Variants in KCNT2 observed in about 807,000 individuals in gnomAD.
KCNT2 encodes potassium sodium-activated channel subfamily T member 2, also known as potassium channel subfamily T member 2.
A neutral mutation model predicts 153.8 loss-of-function variants in KCNT2; 67 were observed. That is an observed-to-expected ratio of 0.44 (90% CI 0.36 to 0.53). The LOEUF is 0.53. KCNT2 is among the 20% of genes least tolerant of loss of function. The probability of loss-of-function intolerance (pLI) is 0.00; values close to 1 mark genes in which losing one functional copy is unlikely to be tolerated. For missense variants in KCNT2, 975 were observed against 1,354.8 expected (o/e 0.72, Z 4.40); for synonymous variants, 500 against 458.8 (o/e 1.09, Z -1.15).
intron 1 of KCNT2, among the ~76,000 whole-genome samples, chr1:196,578,693 C>G (rs1661664085): frequency 6.6e-6 from 1 of 151,926 alleles, no homozygotes; most frequent in African/African-American, 2.4e-5. Flanking sequence ...AGGGACTGAC[C>G]AAAGAGACTA....
chr1:196,598,494 CCAA>C lies in KCNT2; in HGVS notation c.95+9718_95+9720del, dbSNP rs142340712. 4.3e-4 allele frequency among the ~76,000 whole-genome samples: 66 copies of C among 152,274 alleles called. No homozygotes were observed. In the East Asian group the frequency reaches 0.011, roughly 26 times the overall value. The stretch of plus-strand genomic sequence containing the variant: ...GAGGTTTTTCTTTCAGAAAGTATGA[CCAA>C]CTTCAAAAATTCCTTAACACTTATT... On this transcript the variant is annotated intron_variant, in intron 1 of 27. Coordinates refer to ENST00000294725, the MANE Select transcript of KCNT2 (RefSeq NM_198503.5).
chr1:196,507,814 T>C (rs968261423), intron 1 of KCNT2, among the ~76,000 whole-genome samples: 3 of 152,100 alleles, frequency 2.0e-5, no homozygotes, highest in Non-Finnish European at 4.4e-5. Flanking sequence ...AAAACAAATG[T>C]TATTTATAAT....
intron 13 of KCNT2, among the ~76,000 whole-genome samples, chr1:196,381,904 T>C (rs1367785934): frequency 6.6e-6 from 1 of 152,142 alleles, no homozygotes; most frequent in African/African-American, 2.4e-5. Context: ...CTAAAATAAT[T>C]TGAATGACTG....
chr1:196,511,391 G>T (rs1161619258), intron 1 of KCNT2, among the ~76,000 whole-genome samples: 1 of 152,042 alleles, frequency 6.6e-6, no homozygotes, highest in Non-Finnish European at 1.5e-5. Context: ...ACAAAAACCA[G>T]GGTCCCTAAA....
chr1:196,394,660 A>C (rs1670769087), intron 13 of KCNT2, among the ~76,000 whole-genome samples: 1 of 151,570 alleles, frequency 6.6e-6, no homozygotes, highest in African/African-American at 2.4e-5. Context: ...AAATTATATA[A>C]ATAGATGAGA....
chr1:196,340,110 G>A lies in KCNT2; in HGVS notation c.1783+231C>T, dbSNP rs192040654. Among the ~76,000 whole-genome samples, 592 of 152,008 alleles carry A rather than the reference G, an allele frequency of 3.9e-3. 3 individuals are homozygous for A. Among genetic ancestry groups the A allele is most frequent in the South Asian group, 0.028 (136 of 4,820 alleles). On this transcript the variant is annotated intron_variant, in intron 16 of 27. Transcript: ENST00000294725. ...AGCAATTCTTCCACCTCAGCCTCTG[G>A]AATAGGTAGTATTATAGACATATGC...
rs925048498 is a variant in KCNT2, at chr1:196,226,437, T to C, written c.*1787A>G. ...TTCACGTTTATAACATATACACATA[T>C]ATGCATACAATCTTTAAGTTTTAAG... On this transcript the variant is annotated 3_prime_UTR_variant, in exon 28 of 28. Transcript: ENST00000294725. 6.6e-6 allele frequency: 1 copy of C among 152,086 alleles called. No individual in the cohort carries two copies. The highest frequency in any genetic ancestry group is 2.4e-5 in the African/African-American group (1 of 41,468). 9.4% of individuals were successfully genotyped at this position (152,086 alleles called of 1,614,324 possible).
At chr1:196,390,292 ACT>A (rs936731025) in intron 13 of KCNT2, among the ~76,000 whole-genome samples, 1 of 151,554 alleles carries the variant, frequency 6.6e-6, no homozygotes, top group Non-Finnish European at 1.5e-5. Flanking sequence ...GGACATATAA[ACT>A]CATATTCTGG....
chr1:196,480,855 CAAAAAAAAAAA>C lies in KCNT2; in HGVS notation c.324+1465_324+1475del, dbSNP rs372270510. On this transcript the variant is annotated intron_variant, in intron 4 of 27. Transcript: ENST00000294725. Reference sequence around the variant, plus strand: ...TGGGCGACAGAGAGAGACTTCGTCTCAAAAAAAAAAAAAAAAAAAAAAAAAAAAAAGAGCAT... The same window carrying C: ...TGGGCGACAGAGAGAGACTTCGTCTCAAAAAAAAAAAAAAAAAAAGAGCAT... Among the ~76,000 whole-genome samples, 12 of 26,900 alleles carry C rather than the reference CAAAAAAAAAAA, an allele frequency of 4.5e-4. 1 individual carries two copies. In the East Asian group the frequency reaches 5.4e-3, roughly 12 times the overall value. 17.6% of individuals were successfully genotyped at this position (26,900 alleles called of 152,430 possible). A position where few individuals can be genotyped will look rare whatever the true frequency, so the allele number is the denominator to read the frequency against.
intron 8 of KCNT2, among the ~76,000 whole-genome samples, chr1:196,460,113 TG>T (rs373701030): frequency 6.6e-6 from 1 of 151,818 alleles, no homozygotes; most frequent in Non-Finnish European, 1.5e-5. Context: ...GGCATAAATT[TG>T]GGGGTTATAT....
intron 1 of KCNT2, among the ~76,000 whole-genome samples, chr1:196,571,711 C>G (rs1169190148): frequency 6.6e-6 from 1 of 151,974 alleles, no homozygotes; most frequent in African/African-American, 2.4e-5. Flanking sequence ...CTTCTGAGAT[C>G]TATGTTTCCA....
chr1:196,258,381 G>C lies in KCNT2; in HGVS notation c.3024C>G (p.Pro1008=). Reference sequence around the variant, plus strand: ...ACTGCATGCTTTTTCTCCGCAGCAAGGGATGGTCCGACTGATCACTGGATG... The same window carrying C: ...ACTGCATGCTTTTTCTCCGCAGCAACGGATGGTCCGACTGATCACTGGATG... ...NSTSSDQSDH[P]LLRRKSMQWA... Residue 1008 remains proline (P), a synonymous_variant, in exon 26 of 28, where the codon CCC becomes CCG. Transcript: ENST00000294725. 6.2e-7 allele frequency: 1 copy of C among 1,614,010 alleles called. No individual in the cohort carries two copies. The highest frequency in any genetic ancestry group is 8.5e-7 in the Non-Finnish European group (1 of 1,179,984).
At chr1:196,384,707 CAAA>C (rs60975976) in intron 13 of KCNT2, among the ~76,000 whole-genome samples, 29 of 75,482 alleles carry the variant, frequency 3.8e-4, no homozygotes, top group East Asian at 7.9e-4. Flanking sequence ...ACCCCATCTC[CAAA>C]AAAAAAAAAA....
chr1:196,601,764 A>G (rs1351154313), intron 1 of KCNT2, among the ~76,000 whole-genome samples: 2 of 152,224 alleles, frequency 1.3e-5, no homozygotes, highest in Non-Finnish European at 2.9e-5. Flanking sequence ...TTACAAAACA[A>G]TGTAAAAGAT....
intron 13 of KCNT2, among the ~76,000 whole-genome samples, chr1:196,379,933 A>G (rs1002252900): frequency 6.6e-6 from 1 of 152,216 alleles, no homozygotes; most frequent in African/African-American, 2.4e-5. Flanking sequence ...AACAAGTATT[A>G]TGGATCATCA....
chr1:196,544,579 T>C (rs1193543840), intron 1 of KCNT2, among the ~76,000 whole-genome samples: 1 of 152,218 alleles, frequency 6.6e-6, no homozygotes, highest in East Asian at 1.9e-4. Context: ...TGGGATTGCA[T>C]TTAGAAGGAT....
intron 21 of KCNT2, among the ~76,000 whole-genome samples, chr1:196,307,045 G>T (rs955459270): frequency 1.3e-5 from 2 of 151,844 alleles, no homozygotes; most frequent in African/African-American, 4.8e-5. Flanking sequence ...CAACAACCAC[G>T]ATATAATTTC....
chr1:196,491,682 G>T (rs1679873047), intron 2 of KCNT2, among the ~76,000 whole-genome samples: 1 of 151,966 alleles, frequency 6.6e-6, no homozygotes, highest in African/African-American at 2.4e-5. Context: ...TATTCTTGAA[G>T]TTCTACTTTG....
intron 1 of KCNT2, among the ~76,000 whole-genome samples, chr1:196,517,212 T>A (rs1261648350): frequency 6.6e-6 from 1 of 152,184 alleles, no homozygotes; most frequent in Non-Finnish European, 1.5e-5. Flanking sequence ...TTCTCCCTAC[T>A]GGGCAGGGTC....
Sources: gnomAD v4.1 joint callset for allele counts (sites outside exome capture counted in the v4.1 genomes callset) on GRCh38, gnomAD v4.1.1 for gene constraint, MANE v1.5 for transcripts, NCBI Gene and HGNC (gene_info 2026-07-23, HGNC 2026-07-21) for gene names.